The following ARMC2 variants were observed in gnomAD, a reference collection of about 807,000 sequenced individuals.
ARMC2 encodes the protein armadillo repeat-containing protein 2.
ARMC2 carries 67 observed loss-of-function variants against 90.3 expected under a neutral mutation model. That is an observed-to-expected ratio of 0.74 (90% CI 0.61 to 0.91). ARMC2 has a LOEUF of 0.91. ARMC2 is among the 40% of genes least tolerant of loss of function. The pLI is 0.00. For synonymous variants in ARMC2, 393 were observed against 393.0 expected, an observed-to-expected ratio of 1.00 and a Z score of 0.00; for missense variants, 920 against 1,030.9, an observed-to-expected ratio of 0.89 and a Z score of 1.47.
the ARMC2 span, among the ~76,000 whole-genome samples, chr6:109,052,767 TTAAG>T: frequency 2.0e-5 from 3 of 152,168 alleles, no homozygotes; most frequent in African/African-American, 7.2e-5. Context: ...ATTTCAACCA[TTAAG>T]TATGCAGTTT....
At chr6:108,867,487 C>T (rs1775933226) in intron 3 of ARMC2, among the ~76,000 whole-genome samples, 1 of 152,144 alleles carries the variant, frequency 6.6e-6, no homozygotes, top group South Asian at 2.1e-4. Context: ...ACATTTTCGG[C>T]TGGGCACAGT....
intron 1 of ARMC2, among the ~76,000 whole-genome samples, chr6:108,851,432 A>G (rs2128412212): frequency 6.6e-6 from 1 of 152,268 alleles, no homozygotes; most frequent in East Asian, 1.9e-4. Context: ...TTGTATTTAA[A>G]TCATTTGAGT....
the ARMC2 span, among the ~76,000 whole-genome samples, chr6:108,992,139 C>A: frequency 6.6e-6 from 1 of 152,282 alleles, no homozygotes; most frequent in Non-Finnish European, 1.5e-5. Context: ...CACTCTGTCA[C>A]CCAGGCTGGA....
the ARMC2 span, chr6:109,000,676 T>G: frequency 6.5e-7 from 1 of 1,547,444 alleles, no homozygotes; most frequent in East Asian, 2.3e-5. Flanking sequence ...GCCGCAGCCT[T>G]AAAACAAAAA....
chr6:109,035,962 A>G, the ARMC2 span, among the ~76,000 whole-genome samples: 3 of 152,178 alleles, frequency 2.0e-5, no homozygotes, highest in African/African-American at 7.2e-5. Flanking sequence ...TAACTCCCAG[A>G]GCATAGTAAT....
the ARMC2 span, among the ~76,000 whole-genome samples, chr6:108,988,851 T>C: frequency 6.6e-6 from 1 of 151,954 alleles, no homozygotes; most frequent in South Asian, 2.1e-4. Context: ...AATAAGTGAG[T>C]ATAAAGGGAT....
chr6:108,934,686 T>C (rs1447659007), intron 11 of ARMC2, among the ~76,000 whole-genome samples: 2 of 152,216 alleles, frequency 1.3e-5, no homozygotes, highest in Non-Finnish European at 2.9e-5. Context: ...TCTTCCCATA[T>C]GGTTATATGT....
chr6:109,014,314 C>G, the ARMC2 span, among the ~76,000 whole-genome samples: 3 of 152,144 alleles, frequency 2.0e-5, no homozygotes, highest in African/African-American at 7.2e-5. Context: ...TCCTGTGTAT[C>G]AGACACAACA....
intron 3 of ARMC2, among the ~76,000 whole-genome samples, chr6:108,859,502 T>A (rs1459705037): frequency 6.6e-6 from 1 of 152,216 alleles, no homozygotes; most frequent in Non-Finnish European, 1.5e-5. Flanking sequence ...AGGATGTTTC[T>A]CTTTGTTTCT....
At chr6:108,863,544 G>C (rs1284534611) in intron 3 of ARMC2, among the ~76,000 whole-genome samples, 1 of 152,176 alleles carries the variant, frequency 6.6e-6, no homozygotes, top group African/African-American at 2.4e-5. Flanking sequence ...TAGTTAGATG[G>C]TGTTCAAATT....
Position 108,869,004 on chromosome 6 carries a change from A to G in ARMC2, c.463+9A>G, listed in dbSNP as rs780616439. On this transcript the variant is annotated intron_variant, in intron 4 of 17. Coordinates refer to ENST00000392644, the MANE Select transcript of ARMC2 (RefSeq NM_032131.6). Reference sequence around the variant, plus strand: ...CCTTCCTCCCTCCGACTGTAAGGCCATGTAACATCCTGTAATCTCTGGGGA... The same window carrying G: ...CCTTCCTCCCTCCGACTGTAAGGCCGTGTAACATCCTGTAATCTCTGGGGA... 1.4e-5 allele frequency: 23 copies of G among 1,596,886 alleles called. No homozygotes were observed. Among genetic ancestry groups the G allele is most frequent in the East Asian group, 2.2e-5 (1 of 44,544 alleles).
chr6:108,945,240 G>A (rs578080586), intron 12 of ARMC2, among the ~76,000 whole-genome samples: 35 of 152,092 alleles, frequency 2.3e-4, no homozygotes, highest in Non-Finnish European at 3.4e-4. Flanking sequence ...CTCAGGAGGC[G>A]CCTCTGACGT....
At chr6:109,043,123 T>G in the ARMC2 span, among the ~76,000 whole-genome samples, 1 of 152,130 alleles carries the variant, frequency 6.6e-6, no homozygotes, top group African/African-American at 2.4e-5. Flanking sequence ...CAGAAAAACA[T>G]TTGAGTAAAT....
intron 10 of ARMC2, among the ~76,000 whole-genome samples, chr6:108,927,844 G>A (rs1442051612): frequency 2.2e-4 from 34 of 152,122 alleles, no homozygotes; most frequent in Admixed American, 2.2e-3. Flanking sequence ...CCTGGGTTTG[G>A]GGTATACCAA....
chr6:109,019,319 C>A, the ARMC2 span, among the ~76,000 whole-genome samples: 1 of 152,208 alleles, frequency 6.6e-6, no homozygotes, highest in South Asian at 2.1e-4. Flanking sequence ...TTGGGTCAGG[C>A]TTTAAGGTTC....
At chr6:108,976,628 T>A (rs1778988116), downstream of ARMC2, among the ~76,000 whole-genome samples, 1 of 152,244 alleles carries the variant, frequency 6.6e-6, no homozygotes, top group South Asian at 2.1e-4. Context: ...TGATTCTTCC[T>A]ATCCATGAGC....
the ARMC2 span, chr6:108,994,541 A>G: frequency 6.2e-7 from 1 of 1,613,652 alleles, no homozygotes; most frequent in Non-Finnish European, 8.5e-7. Flanking sequence ...CCTCTTCTTC[A>G]TCTCGACATT....
chr6:108,906,780 T>G (rs1772784609), intron 8 of ARMC2, among the ~76,000 whole-genome samples: 1 of 152,180 alleles, frequency 6.6e-6, no homozygotes. Flanking sequence ...CCACTGCACC[T>G]GGCCAGAGAC....
the ARMC2 span, among the ~76,000 whole-genome samples, chr6:108,982,985 C>T: frequency 6.6e-6 from 1 of 151,834 alleles, no homozygotes; most frequent in East Asian, 1.9e-4. Context: ...CCACCATGCC[C>T]AGCTAATTTT....
Sources: allele counts gnomAD v4.1 joint callset (sites outside exome capture counted in the v4.1 genomes callset), GRCh38; gene constraint gnomAD v4.1.1; transcripts MANE v1.5; gene names NCBI Gene and HGNC (gene_info 2026-07-23, HGNC 2026-07-21).